The following TMCC1 variants were observed in gnomAD, a reference collection of about 807,000 sequenced individuals.
The protein encoded by TMCC1 is transmembrane and coiled-coil domains protein 1.
Under a neutral mutation model 52.4 loss-of-function variants are expected in TMCC1, and 15 were observed. That is an observed-to-expected ratio of 0.29 (90% confidence interval 0.19 to 0.44). The LOEUF is 0.44. Among genes scored for constraint, TMCC1 ranks in the 20% least tolerant of loss-of-function variants. TMCC1 has a pLI of 1.00. For missense variants in TMCC1, 503 were observed against 806.0 expected, an observed-to-expected ratio of 0.62 and a Z score of 4.55; for synonymous variants, 279 against 301.9, an observed-to-expected ratio of 0.92 and a Z score of 0.79.
intron 2 of TMCC1, among the ~76,000 whole-genome samples, chr3:129,872,652 G>A (rs1035614147): frequency 2.0e-5 from 3 of 152,170 alleles, no homozygotes; most frequent in African/African-American, 7.2e-5. Context: ...GAGGCGCCAT[G>A]ATGCAACCAA....
intron 4 of TMCC1, among the ~76,000 whole-genome samples, chr3:129,787,663 T>C (rs557104556): frequency 6.6e-6 from 1 of 152,316 alleles, no homozygotes; most frequent in East Asian, 1.9e-4. Flanking sequence ...TTCCTGCCTT[T>C]ATCAATGATT....
At chr3:129,661,664 G>A (rs913032292) in intron 5 of TMCC1, among the ~76,000 whole-genome samples, 6 of 152,006 alleles carry the variant, frequency 3.9e-5, no homozygotes, top group South Asian at 4.1e-4. Flanking sequence ...TCAGGTTGGT[G>A]TGGTGGCATG....
intron 2 of TMCC1, among the ~76,000 whole-genome samples, chr3:129,866,350 A>G (rs1002644716): frequency 2.1e-5 from 3 of 143,958 alleles, no homozygotes; most frequent in African/African-American, 7.6e-5. Context: ...TATTATATAT[A>G]CATAATATAT....
chr3:129,858,044 C>A (rs947674418), intron 2 of TMCC1, among the ~76,000 whole-genome samples: 2 of 152,084 alleles, frequency 1.3e-5, no homozygotes, highest in South Asian at 4.1e-4. Context: ...CACAGGTGTC[C>A]CTCTAAACAA....
chr3:129,668,286 A>G (rs370537477), intron 5 of TMCC1, among the ~76,000 whole-genome samples: 126 of 152,322 alleles, frequency 8.3e-4, no homozygotes, highest in African/African-American at 2.9e-3. Context: ...TCATGTTCTA[A>G]GTGGGGTTAA....
At chr3:129,750,868 C>T (rs2052448832) in intron 4 of TMCC1, among the ~76,000 whole-genome samples, 1 of 150,754 alleles carries the variant, frequency 6.6e-6, no homozygotes, top group East Asian at 2.0e-4. Flanking sequence ...AGCCACTGCG[C>T]CCAGCCAGAT....
In TMCC1 at chr3:129,876,234, A is replaced by T. The variant is rs190072891; in HGVS notation, c.-184+4075T>A. ...TTGAACACAACCTGCTAACTGCTTT[A>T]CAATGACTTAAGTAAGCACTAGTGA... On this transcript the variant is annotated intron_variant, in intron 2 of 6. Coordinates refer to ENST00000393238, the MANE Select transcript of TMCC1 (RefSeq NM_001017395.5). Among the ~76,000 whole-genome samples, 10 of 151,686 alleles carry T rather than the reference A, an allele frequency of 6.6e-5. No individual in the cohort carries two copies. In the East Asian group the frequency reaches 1.9e-3, roughly 29 times the overall value.
chr3:129,695,415 C>T (rs535739759), intron 4 of TMCC1, among the ~76,000 whole-genome samples: 9 of 152,120 alleles, frequency 5.9e-5, no homozygotes, highest in South Asian at 2.1e-4. Flanking sequence ...AAAGACATAC[C>T]GAAGACTGGG....
intron 2 of TMCC1, among the ~76,000 whole-genome samples, chr3:129,840,709 C>A (rs910558904): frequency 3.9e-5 from 6 of 152,176 alleles, no homozygotes; most frequent in Admixed American, 2.6e-4. Flanking sequence ...TTCCCCACCC[C>A]ACTCCTGCTG....
chr3:129,784,389 AC>A (rs2055805722), intron 4 of TMCC1, among the ~76,000 whole-genome samples: 2 of 150,976 alleles, frequency 1.3e-5, no homozygotes. Flanking sequence ...CCACAGTGAA[AC>A]CCCGTCTCTA....
At chr3:129,752,011 ATATT>A (rs1388741355) in intron 4 of TMCC1, among the ~76,000 whole-genome samples, 1 of 152,174 alleles carries the variant, frequency 6.6e-6, no homozygotes, top group South Asian at 2.1e-4. Context: ...GGGTTAGAAG[ATATT>A]TATTTAATTT....
intron 1 of TMCC1, among the ~76,000 whole-genome samples, chr3:129,880,808 A>T (rs1038963796): frequency 2.6e-5 from 4 of 152,156 alleles, no homozygotes; most frequent in African/African-American, 9.7e-5. Flanking sequence ...ATCTAAAAAA[A>T]ATCTGAAATA....
Position 129,827,848 on chromosome 3 carries a change from A to C in TMCC1, c.531T>G (p.Ala177=). 6.2e-7 allele frequency: 1 copy of C among 1,614,034 alleles called. No homozygotes were observed. The highest frequency in any genetic ancestry group is 8.5e-7 in the Non-Finnish European group (1 of 1,179,916). Residue 177 remains alanine, a synonymous_variant, in exon 4 of 7, where the codon GCT becomes GCG. Transcript: ENST00000393238. The part of the protein sequence containing the change: ...AMMEIACAAA[A]AAAACLPGEE... ...CTCCTGGTAGACATGCAGCAGCAGC[A>C]GCAGCAGCAGCACAAGCTATTTCCA...
intron 4 of TMCC1, among the ~76,000 whole-genome samples, chr3:129,795,221 G>C (rs1352824860): frequency 6.6e-6 from 1 of 152,152 alleles, no homozygotes; most frequent in Non-Finnish European, 1.5e-5. Context: ...AAAACAAAAG[G>C]AACAGCTCAG....
At chr3:129,870,191 T>G (rs2060845313) in intron 2 of TMCC1, among the ~76,000 whole-genome samples, 1 of 152,102 alleles carries the variant, frequency 6.6e-6, no homozygotes. Context: ...CTACACATTT[T>G]TTTAAGAACT....
intron 2 of TMCC1, among the ~76,000 whole-genome samples, chr3:129,876,318 A>G (rs907809222): frequency 2.0e-5 from 3 of 151,450 alleles, no homozygotes; most frequent in Non-Finnish European, 4.4e-5. Flanking sequence ...AATAAATATA[A>G]GTGTGAAGAG....
At chr3:129,864,517 C>T (rs980805916) in intron 2 of TMCC1, among the ~76,000 whole-genome samples, 6 of 152,182 alleles carry the variant, frequency 3.9e-5, no homozygotes, top group South Asian at 4.1e-4. Context: ...TGGCTGGGCA[C>T]GGTGGCTCAT....
chr3:129,823,432 A>C (rs2058513657), intron 4 of TMCC1, among the ~76,000 whole-genome samples: 1 of 152,208 alleles, frequency 6.6e-6, no homozygotes. Flanking sequence ...ATTAACGCAT[A>C]ATGTATATTA....
intron 4 of TMCC1, among the ~76,000 whole-genome samples, chr3:129,759,125 GA>G (rs1314191972): frequency 6.6e-6 from 1 of 152,154 alleles, no homozygotes; most frequent in Non-Finnish European, 1.5e-5. Flanking sequence ...TGTGAACATG[GA>G]AGGTTTGTGG....
Sources: gnomAD v4.1 joint callset for allele counts (sites outside exome capture counted in the v4.1 genomes callset) on GRCh38, gnomAD v4.1.1 for gene constraint, MANE v1.5 for transcripts, NCBI Gene and HGNC (gene_info 2026-07-23, HGNC 2026-07-21) for gene names.